Variants in NEB observed in about 807,000 individuals in gnomAD.
NEB encodes nebulin.
NEB carries 512 observed loss-of-function variants against 952.2 expected under a neutral mutation model. The observed-to-expected ratio is 0.54, with a 90% CI of 0.50 to 0.58. The LOEUF is 0.58. Among genes scored for constraint, NEB ranks in the 20% least tolerant of loss-of-function variants. The probability of loss-of-function intolerance (pLI) is 0.00; values close to 1 mark genes in which losing one functional copy is unlikely to be tolerated. For missense variants in NEB, 8,428 were observed against 9,231.1 expected, an observed-to-expected ratio of 0.91 and a Z score of 3.56; for synonymous variants, 2,900 against 3,149.8, an observed-to-expected ratio of 0.92 and a Z score of 2.66.
intron 120 of NEB, 75 bp from the exon 121 acceptor site, chr2:151,562,289 A>G: frequency 7.9e-7 from 1 of 1,273,740 alleles, no homozygotes; most frequent in Admixed American, 1.7e-5. Flanking sequence ...ATTTCCTATC[A>G]GCTGTTGGCT....
chr2:151,712,734 G>A (rs1053809905), intron 10 of NEB, among the ~76,000 whole-genome samples: 2 of 152,114 alleles, frequency 1.3e-5, no homozygotes, highest in African/African-American at 2.4e-5. Context: ...GAGGAAGAGA[G>A]AGGTATGTGT....
In NEB at chr2:151,672,499, A is replaced by T; in HGVS notation, c.4169T>A (p.Ile1390Asn). 1 of 1,614,006 alleles carries T rather than the reference A, an allele frequency of 6.2e-7. No homozygotes were observed. Among genetic ancestry groups the T allele is most frequent in the Non-Finnish European group, 8.5e-7 (1 of 1,179,890 alleles). ...SYHTPGDMVS[I>N]TAAKMAQDVA... ...ATCCTGGGCCATCTTTGCAGCTGTG[A>T]TGCTAACCATGTCCCCAGGGGTATG... Residue 1390 changes from isoleucine to asparagine, a missense_variant, in exon 37 of 182, where the codon ATC becomes AAC. Physicochemically the swap from Ile to Asn is moderately radical, Grantham distance 149. This residue lies in a region of NEB where 2,851 missense variants were observed against 2,791.5 expected (regional missense o/e 1.02). Coordinates refer to ENST00000397345, the MANE Select transcript of NEB (RefSeq NM_001164508.2).
At position 151,498,936 on chromosome 2, in the gene NEB, T is replaced by C. The variant is rs183693250; in HGVS notation, c.24114+362A>G. Among the ~76,000 whole-genome samples, 23 of 151,550 alleles carry C rather than the reference T, an allele frequency of 1.5e-4. No individual in the cohort carries two copies. In the East Asian group the frequency reaches 4.1e-3, roughly 27 times the overall value. ...ATATCTGTACAAATAACAGTAGAGA[T>C]AGAAAAGGTTAGAATAAGAAACGAG... is the stretch of plus-strand genomic sequence containing the variant. On this transcript the variant is annotated intron_variant, in intron 169 of 181. Coordinates refer to ENST00000397345, the MANE Select transcript of NEB (RefSeq NM_001164508.2).
rs2090426850 is a variant in NEB at position 151,530,996 on chromosome 2, C to T, written c.21628G>A (p.Asp7210Asn). 2.5e-6 allele frequency: 4 copies of T among 1,605,564 alleles called. No homozygotes were observed. The highest frequency in any genetic ancestry group is 1.7e-5 in the Admixed American group (1 of 59,846). ...TGCTAAACCATTCTAGTACTTACAT[C>T]ACTGACTTCATCTTTAACCTTGCGG... ...HVRKVKDEVS[D>N]LKYKEVYQRN... is the part of the protein sequence containing the mutation. The change falls in exon 145 of 182, where the codon GAT becomes AAT. Residue 7210 changes from aspartate to asparagine, a missense_variant and splice_region_variant. This residue lies in a region of NEB where 3,374 missense variants were observed against 3,651.5 expected (regional missense o/e 0.92). Coordinates refer to ENST00000397345, the MANE Select transcript of NEB (RefSeq NM_001164508.2).
intron 164 of NEB, 122 bp from the exon 165 acceptor site, chr2:151,505,692 C>T (rs1575427754): frequency 1.3e-6 from 1 of 783,642 alleles, no homozygotes; most frequent in Non-Finnish European, 2.2e-6. Flanking sequence ...ATAACGCAGG[C>T]TTTATACTTA....
Position 151,575,818 on chromosome 2 carries a change from A to G in NEB, c.16909-19T>C. 6.8e-7 allele frequency: 1 copy of G among 1,479,396 alleles called. No homozygotes were observed. The highest frequency in any genetic ancestry group is 9.5e-7 in the Non-Finnish European group (1 of 1,057,158). The allele number at this position is 1,479,396 out of a possible 1,614,324, so 91.6% of individuals were successfully genotyped here. On this transcript the variant is annotated intron_variant, in intron 106 of 181. Coordinates refer to ENST00000397345, the MANE Select transcript of NEB (RefSeq NM_001164508.2). ...ACTTTGGCTGTGGAAAGAAACAAAA[A>G]TAATAAAATTACTTCACAATTTTCA...
At chr2:151,488,692 A>G (rs16830096) in intron 181 of NEB, among the ~76,000 whole-genome samples, 35,042 of 151,968 alleles carry the variant, frequency 0.23, 4,728 homozygotes, top group Admixed American at 0.36. Flanking sequence ...TACTTCTACA[A>G]TTTTGTATTT....
Position 151,514,759 on chromosome 2 carries a change from A to T in NEB, c.23016+59T>A. 4.3e-6 allele frequency: 5 copies of T among 1,169,558 alleles called. No individual in the cohort carries two copies. The South Asian group carries it at 7.0e-5, about 16-fold the overall frequency. 72.4% of individuals were successfully genotyped at this position (1,169,558 alleles called of 1,614,324 possible). A position where few individuals can be genotyped will look rare whatever the true frequency, so the allele number is the denominator to read the frequency against. ...AAATGGTAGGAGGAACACATTAATG[A>T]GTGTCACTAGTGCAATTATTTGGAT... On this transcript the variant is annotated intron_variant, in intron 158 of 181. Coordinates refer to ENST00000397345, the MANE Select transcript of NEB (RefSeq NM_001164508.2).
At chr2:151,636,802 A>AC (rs1445123805) in intron 63 of NEB, among the ~76,000 whole-genome samples, 2 of 152,170 alleles carry the variant, frequency 1.3e-5, no homozygotes, top group Admixed American at 6.5e-5. Context: ...ACAAAACAAA[A>AC]AAAAAAGATA....
At chr2:151,496,666 G>T (rs2060428186) in intron 172 of NEB, among the ~76,000 whole-genome samples, 1 of 152,008 alleles carries the variant, frequency 6.6e-6, no homozygotes, top group African/African-American at 2.4e-5. Flanking sequence ...ATGAGGATTT[G>T]AGACTGTTAG....
At chr2:151,609,413 ATAG>A (rs1416843217) in intron 81 of NEB, among the ~76,000 whole-genome samples, 1 of 152,080 alleles carries the variant, frequency 6.6e-6, no homozygotes, top group Non-Finnish European at 1.5e-5. Context: ...AATAATATAT[ATAG>A]TAATAAAGCT....
At chr2:151,637,491 C>T (rs916144124) in intron 63 of NEB, among the ~76,000 whole-genome samples, 1 of 152,220 alleles carries the variant, frequency 6.6e-6, no homozygotes, top group African/African-American at 2.4e-5. Flanking sequence ...GGAAAGCAGC[C>T]AAAAAGTTCT....
chr2:151,550,772 G>A (rs192887477), intron 129 of NEB, among the ~76,000 whole-genome samples: 105 of 151,988 alleles, frequency 6.9e-4, no homozygotes, highest in Middle Eastern at 6.8e-3. Context: ...CCAAGTAGCT[G>A]GGACCACAGG....
Position 151,643,327 on chromosome 2 carries a change from C to A in NEB, c.7983G>T (p.Trp2661Cys), listed in dbSNP as rs756956766. ...TAGTCATCCAGCCAATGCCTTTTAG[C>A]CACTGAAGGTCTGACTTGTACAAAT... is the stretch of plus-strand genomic sequence containing the variant. ...SDNLYKSDLQ[W>C]LKGIGWMTSG... Residue 2661 changes from tryptophan to cysteine, a missense_variant, in exon 58 of 182, where the codon TGG becomes TGT. By Grantham distance (215) the Trp-to-Cys change is radical. Coordinates refer to ENST00000397345, the MANE Select transcript of NEB (RefSeq NM_001164508.2). 29 of 1,613,614 alleles carry A rather than the reference C, an allele frequency of 1.8e-5. No individual in the cohort carries two copies. In the South Asian group the frequency reaches 3.1e-4, roughly 17 times the overall value.
chr2:151,560,299 C>A (rs146106959), intron 124 of NEB, among the ~76,000 whole-genome samples: 3 of 152,260 alleles, frequency 2.0e-5, no homozygotes, highest in African/African-American at 7.2e-5. Context: ...ATGTCTTCAG[C>A]CCATCCTTAC....
At position 151,684,841 on chromosome 2, in the gene NEB, G is replaced by A. The variant is rs1466946196; in HGVS notation, c.2772C>T (p.Tyr924=). 1.2e-6 allele frequency: 2 copies of A among 1,613,338 alleles called. No individual in the cohort carries two copies. The highest frequency in any genetic ancestry group is 8.5e-7 in the Non-Finnish European group (1 of 1,179,584). Residue 924 remains tyrosine, a synonymous_variant, in exon 28 of 182, where the codon TAC becomes TAT. Transcript: ENST00000397345. ...CATTGATGCTATCAGGGGGGTAGCTGTAACTGTGTAAGATGTGCTTATAAT... is the reference window on the plus strand; with the variant it reads ...CATTGATGCTATCAGGGGGGTAGCTATAACTGTGTAAGATGTGCTTATAAT... ...DVDYKHILHS[Y]SYPPDSINVD... is the part of the protein sequence containing the mutation.
chr2:151,696,110 T>C (rs747256555), intron 17 of NEB, among the ~76,000 whole-genome samples: 2 of 152,224 alleles, frequency 1.3e-5, no homozygotes, highest in Non-Finnish European at 2.9e-5. Context: ...AGGTCACTTT[T>C]ATTTTTTTAG....
Position 151,612,236 on chromosome 2 carries a change from C to G in NEB, c.11755G>C (p.Asp3919His), listed in dbSNP as rs201483656. The G allele has an allele frequency of 2.5e-6, 4 of 1,613,700 alleles. No individual in the cohort carries two copies. Among genetic ancestry groups the G allele is most frequent in the South Asian group, 2.2e-5 (2 of 91,062 alleles). The change falls in exon 78 of 182, where the codon GAC becomes CAC. Residue 3919 changes from aspartate (D) to histidine (H), a missense_variant. Transcript: ENST00000397345. ...ADQLKFTCIT[D>H]TPEIVLAKNN... ...TTTGCTAGGACAATTTCCGGAGTGTCGGTAATGCATGTGAATTTGAGCTGG... is the reference window on the plus strand; with the variant it reads ...TTTGCTAGGACAATTTCCGGAGTGTGGGTAATGCATGTGAATTTGAGCTGG...
At chr2:151,720,660 G>A (rs115642134) in intron 9 of NEB, among the ~76,000 whole-genome samples, 215 of 152,258 alleles carry the variant, frequency 1.4e-3, no homozygotes, top group Non-Finnish European at 2.7e-3. Context: ...AGGGAGATAG[G>A]AGATTAACTG....
Sources: gnomAD v4.1 joint callset for allele counts (sites outside exome capture counted in the v4.1 genomes callset) on GRCh38, gnomAD v4.1.1 for gene constraint, gnomAD v4.1.1 regional missense constraint, MANE v1.5 for transcripts, NCBI Gene and HGNC (gene_info 2026-07-23, HGNC 2026-07-21) for gene names.